PSEN2: variants seen among roughly 807,000 people sequenced by gnomAD.
The protein encoded by PSEN2 is presenilin 2.
PSEN2 carries 32 observed loss-of-function variants against 49.1 expected under a neutral mutation model. That is an observed-to-expected ratio of 0.65 (90% CI 0.49 to 0.88). The LOEUF (loss-of-function observed/expected upper bound fraction) is 0.88. PSEN2 is among the 40% of genes least tolerant of loss of function. The pLI, the probability that PSEN2 is intolerant of heterozygous loss-of-function variation, is 0.00. For synonymous variants in PSEN2, 255 were observed against 244.0 expected (o/e 1.05, Z -0.42); for missense variants, 522 against 586.9 (o/e 0.89, Z 1.14).
chr1:226,884,359 A>G (rs1426724102), intron 5 of PSEN2, among the ~76,000 whole-genome samples: 2 of 152,172 alleles, frequency 1.3e-5, no homozygotes, highest in East Asian at 3.8e-4. Flanking sequence ...AATGTGAAAC[A>G]AGGTGGTTGG....
At position 226,895,409 on chromosome 1, in the gene PSEN2, C is replaced by G; in HGVS notation, c.1192-15C>G. On this transcript the variant is annotated splice_polypyrimidine_tract_variant and intron_variant, in intron 12 of 12. Transcript: ENST00000366783. Reference sequence around the variant, plus strand: ...CAGGGATCACCACGCTCACCCTCCCCTCCATGTCCTGCAGGGCTTGTGTCT... The same window carrying G: ...CAGGGATCACCACGCTCACCCTCCCGTCCATGTCCTGCAGGGCTTGTGTCT... 8 of 1,613,994 alleles carry G rather than the reference C, an allele frequency of 5.0e-6. No individual in the cohort carries two copies. The highest frequency in any genetic ancestry group is 6.8e-6 in the Non-Finnish European group (8 of 1,179,970).
At position 226,883,898 on chromosome 1, in the gene PSEN2, A is replaced by C; in HGVS notation, c.335A>C (p.Tyr112Ser). ...GCCACCATCAAGTCTGTGCGCTTCTACACAGAGAAGAATGGACAGCTGTGA... is the reference window on the plus strand; with the variant it reads ...GCCACCATCAAGTCTGTGCGCTTCTCCACAGAGAAGAATGGACAGCTGTGA... ...VVATIKSVRF[Y>S]TEKNGQLIYT... Residue 112 changes from tyrosine (Y) to serine (S), a missense_variant, in exon 5 of 13, where the codon TAC becomes TCC. Tyr to Ser is a moderately radical substitution (Grantham distance 144). Transcript: ENST00000366783. 7.1e-7 allele frequency: 1 copy of C among 1,408,740 alleles called. No individual in the cohort carries two copies. The highest frequency in any genetic ancestry group is 9.5e-7 in the Non-Finnish European group (1 of 1,051,604). 87.3% of individuals were successfully genotyped at this position (1,408,740 alleles called of 1,614,324 possible). A position where few individuals can be genotyped will look rare whatever the true frequency, so the allele number is the denominator to read the frequency against.
At chr1:226,896,621 G>A (rs1456834326), downstream of PSEN2, among the ~76,000 whole-genome samples, 2 of 152,104 alleles carry the variant, frequency 1.3e-5, no homozygotes, top group Admixed American at 6.6e-5. Context: ...CAATACTTCG[G>A]GAGGTCGAGT....
chr1:226,889,197 T>C (rs7546338), intron 8 of PSEN2, 148 bp downstream of exon 8: 3 of 711,142 alleles, frequency 4.2e-6, no homozygotes, highest in Non-Finnish European at 7.0e-6. Flanking sequence ...AGAGTCGCCT[T>C]TGTAAAACAG....
At chr1:226,896,457 A>C (rs1662153482), downstream of PSEN2, among the ~76,000 whole-genome samples, 2 of 152,216 alleles carry the variant, frequency 1.3e-5, no homozygotes, top group African/African-American at 4.8e-5. Flanking sequence ...CTGAGCTCAG[A>C]AACCACTCTC....
rs150931933 is a variant in PSEN2, at chr1:226,872,730, A to T, written c.-207+1326A>T. Among the ~76,000 whole-genome samples the T allele has an allele frequency of 3.3e-3, 510 of 152,338 alleles. 4 individuals carry two copies. Among genetic ancestry groups the T allele is most frequent in the African/African-American group, 0.012 (491 of 41,572 alleles). On this transcript the variant is annotated intron_variant, in intron 2 of 12. Transcript: ENST00000366783. ...CTGTTTAGTTGGGGACTGATAAGAC[A>T]GCAAATATTTCTGCAAGTATTCCCA... is the stretch of plus-strand genomic sequence containing the variant.
chr1:226,887,671 C>T (rs1661449778), intron 6 of PSEN2, among the ~76,000 whole-genome samples: 1 of 152,200 alleles, frequency 6.6e-6, no homozygotes, highest in South Asian at 2.1e-4. Flanking sequence ...CTCATCATTA[C>T]CTGCTGATAT....
intron 9 of PSEN2, chr1:226,891,074 A>G (rs912039818): frequency 4.2e-5 from 25 of 599,708 alleles, no homozygotes; most frequent in Admixed American, 2.7e-4. Flanking sequence ...GGGGAGACAA[A>G]CAGTAACAGA....
At chr1:226,882,150 G>A in intron 4 of PSEN2, 102 bp downstream of exon 4, 2 of 1,486,932 alleles carry the variant, frequency 1.3e-6, no homozygotes, top group Non-Finnish European at 1.8e-6. Context: ...GGAGGGAGAA[G>A]GGAAGTAATG....
In PSEN2 at chr1:226,895,563, A is replaced by G. The variant is rs1662093222; in HGVS notation, c.1331A>G (p.His444Arg). Reference sequence around the variant, plus strand: ...CCGTTCATGGACACCCTGGCCTCCCATCAGCTCTACATCTGAGGGACATGG... The same window carrying G: ...CCGTTCATGGACACCCTGGCCTCCCGTCAGCTCTACATCTGAGGGACATGG... ...VRPFMDTLAS[H>R]QLYI is the part of the protein sequence containing the mutation. The change falls in exon 13 of 13, where the codon CAT becomes CGT. Residue 444 changes from histidine (H) to arginine (R), a missense_variant. His to Arg is a conservative substitution (Grantham distance 29). Transcript: ENST00000366783. 1.2e-6 allele frequency: 2 copies of G among 1,612,726 alleles called. No homozygotes were observed. Among genetic ancestry groups the G allele is most frequent in the African/African-American group, 1.3e-5 (1 of 74,908 alleles).
chr1:226,877,453 C>T (rs1417547365), intron 3 of PSEN2, among the ~76,000 whole-genome samples: 1 of 152,204 alleles, frequency 6.6e-6, no homozygotes, highest in Non-Finnish European at 1.5e-5. Context: ...TGGTCCATCT[C>T]CACCAGCCCC....
intron 3 of PSEN2, among the ~76,000 whole-genome samples, chr1:226,879,203 T>A (rs1162519126): frequency 6.6e-6 from 1 of 152,124 alleles, no homozygotes; most frequent in African/African-American, 2.4e-5. Context: ...ACCTGATAAT[T>A]TCTCTCATTT....
downstream of PSEN2, chr1:226,897,411 G>A (rs541030516): frequency 1.3e-5 from 2 of 153,696 alleles, no homozygotes; most frequent in African/African-American, 2.4e-5. Context: ...AGTAGACAGC[G>A]AGGGAGGAAG....
At chr1:226,903,500 A>C (rs1165060926) in intron 12 of PSEN2, 3 of 152,136 alleles carry the variant, frequency 2.0e-5, no homozygotes, top group Non-Finnish European at 4.4e-5. Context: ...TCCTTTCCCC[A>C]GGTCCCTAAA....
intron 6 of PSEN2, among the ~76,000 whole-genome samples, chr1:226,886,608 A>C (rs746662263): frequency 4.6e-5 from 7 of 152,262 alleles, no homozygotes; most frequent in Non-Finnish European, 7.3e-5. Flanking sequence ...AACTGTTTAC[A>C]CACAGGTGCC....
chr1:226,892,560 C>T (rs1284848643), intron 11 of PSEN2, among the ~76,000 whole-genome samples: 3 of 152,142 alleles, frequency 2.0e-5, no homozygotes, highest in Non-Finnish European at 4.4e-5. Flanking sequence ...AGGTGCCTTA[C>T]GGGAGCAGCC....
At position 226,875,407 on chromosome 1, in the gene PSEN2, G is replaced by A. The variant is rs200591275; in HGVS notation, c.-164G>A. ...TCAGACGTCAGGAGAGTGATGTGAG[G>A]GAGCTGTGTGACCATAGAAAGTGAC... On this transcript the variant is annotated 5_prime_UTR_variant, in exon 3 of 13. Transcript: ENST00000366783. 1 of 152,200 alleles carries A rather than the reference G, an allele frequency of 6.6e-6. No homozygotes were observed. Among genetic ancestry groups the A allele is most frequent in the Non-Finnish European group, 1.5e-5 (1 of 68,058 alleles). The allele number at this position is 152,200 out of a possible 1,614,324, so 9.4% of individuals were successfully genotyped here.
Position 226,895,653 on chromosome 1 carries a change from G to A in PSEN2, c.*74G>A, listed in dbSNP as rs951840153. On this transcript the variant is annotated 3_prime_UTR_variant, in exon 13 of 13. Transcript: ENST00000366783. ...TGCAGTTGTATAGTTTTACACTCTA[G>A]TGCCATATATTTTTAAGACTTTTCT... 6 of 1,482,988 alleles carry A rather than the reference G, an allele frequency of 4.0e-6. No individual in the cohort carries two copies. The African/African-American group carries it at 5.6e-5, about 14-fold the overall frequency. 91.9% of individuals were successfully genotyped at this position (1,482,988 alleles called of 1,614,324 possible). A position where few individuals can be genotyped will look rare whatever the true frequency, so the allele number is the denominator to read the frequency against.
At chr1:226,883,658 C>T (rs755175525) in intron 4 of PSEN2, 47 bp from the exon 5 acceptor site, 18 of 1,565,916 alleles carry the variant, frequency 1.1e-5, no homozygotes, top group Non-Finnish European at 1.6e-5. Flanking sequence ...CATGGATAGG[C>T]TGCCGTGGGG....
Sources: allele counts gnomAD v4.1 joint callset (sites outside exome capture counted in the v4.1 genomes callset), GRCh38; gene constraint gnomAD v4.1.1; transcripts MANE v1.5; gene names NCBI Gene and HGNC (gene_info 2026-07-23, HGNC 2026-07-21).